The following ZDHHC14 variants were observed in gnomAD, a reference collection of about 807,000 sequenced individuals.
ZDHHC14 encodes palmitoyltransferase ZDHHC14.
ZDHHC14 carries 16 observed loss-of-function variants against 47.7 expected under a neutral mutation model. That is an observed-to-expected ratio of 0.34 (90% CI 0.23 to 0.51). The LOEUF (loss-of-function observed/expected upper bound fraction) is 0.51, where lower values mean the gene tolerates loss of function less well. Ranked by LOEUF, ZDHHC14 falls within the 20% of genes least tolerant of loss-of-function variation. The pLI is 0.97. For synonymous variants in ZDHHC14, 293 were observed against 278.9 expected, an observed-to-expected ratio of 1.05 and a Z score of -0.50; for missense variants, 515 against 662.5, an observed-to-expected ratio of 0.78 and a Z score of 2.44.
At chr6:157,659,514 C>T (rs553833183) in intron 8 of ZDHHC14, among the ~76,000 whole-genome samples, 1 of 152,352 alleles carries the variant, frequency 6.6e-6, no homozygotes, top group South Asian at 2.1e-4. Flanking sequence ...TCTGGGGCCA[C>T]TGTGACATTC....
chr6:157,446,399 G>GTT (rs1251752682), intron 1 of ZDHHC14, among the ~76,000 whole-genome samples: 2 of 151,272 alleles, frequency 1.3e-5, no homozygotes, highest in South Asian at 4.2e-4. Flanking sequence ...TTTTTTTTTG[G>GTT]TTTTTTTGTT....
chr6:157,610,990 A>G (rs957532370), intron 3 of ZDHHC14, among the ~76,000 whole-genome samples: 1 of 152,198 alleles, frequency 6.6e-6, no homozygotes, highest in Non-Finnish European at 1.5e-5. Context: ...ACTGGGAGCC[A>G]TGAATAAATG....
intron 3 of ZDHHC14, among the ~76,000 whole-genome samples, chr6:157,617,494 C>T (rs1292564579): frequency 6.6e-6 from 1 of 152,164 alleles, no homozygotes; most frequent in Non-Finnish European, 1.5e-5. Context: ...ATAGACACAG[C>T]TCTCTGTGCC....
chr6:157,410,337 T>C (rs1286315083), intron 1 of ZDHHC14, among the ~76,000 whole-genome samples: 3 of 152,212 alleles, frequency 2.0e-5, no homozygotes, highest in Admixed American at 1.3e-4. Context: ...GGCTGGAATG[T>C]GCTATGTCAT....
chr6:157,453,850 T>C (rs1231582938), intron 1 of ZDHHC14, among the ~76,000 whole-genome samples: 1 of 151,062 alleles, frequency 6.6e-6, no homozygotes, highest in Non-Finnish European at 1.5e-5. Context: ...GTAATATGTG[T>C]CTGCTTTACT....
At chr6:157,384,015 G>A (rs1169483140) in intron 1 of ZDHHC14, among the ~76,000 whole-genome samples, 1 of 152,226 alleles carries the variant, frequency 6.6e-6, no homozygotes, top group Non-Finnish European at 1.5e-5. Context: ...TAACAGAAAT[G>A]CCATCTCTCT....
At chr6:157,501,037 G>C (rs1417920074) in intron 1 of ZDHHC14, among the ~76,000 whole-genome samples, 2 of 152,214 alleles carry the variant, frequency 1.3e-5, no homozygotes, top group African/African-American at 4.8e-5. Context: ...AGTTTCTTCT[G>C]CTGGATGGTA....
intron 1 of ZDHHC14, among the ~76,000 whole-genome samples, chr6:157,480,124 A>C (rs1779587060): frequency 6.6e-6 from 1 of 152,164 alleles, no homozygotes; most frequent in African/African-American, 2.4e-5. Context: ...GCGTTGGACC[A>C]AGAGAGGACA....
intron 1 of ZDHHC14, among the ~76,000 whole-genome samples, chr6:157,512,218 T>C (rs772512663): frequency 7.9e-5 from 12 of 152,222 alleles, no homozygotes; most frequent in Admixed American, 6.5e-4. Flanking sequence ...CAAGTAAGTG[T>C]GGAGCCGGGA....
intron 1 of ZDHHC14, among the ~76,000 whole-genome samples, chr6:157,469,884 T>A (rs1008169260): frequency 6.6e-6 from 1 of 152,230 alleles, no homozygotes; most frequent in African/African-American, 2.4e-5. Context: ...TGTCCCTCCC[T>A]GCCCTCTGTC....
chr6:157,474,634 G>A (rs1052594735), intron 1 of ZDHHC14, among the ~76,000 whole-genome samples: 2 of 152,086 alleles, frequency 1.3e-5, no homozygotes, highest in Non-Finnish European at 2.9e-5. Context: ...ATCTCATTGT[G>A]GTTTTAATTT....
chr6:157,390,688 C>CT (rs893421712), intron 1 of ZDHHC14, among the ~76,000 whole-genome samples: 12 of 151,672 alleles, frequency 7.9e-5, no homozygotes, highest in Admixed American at 2.6e-4. Flanking sequence ...TTTTTGATAT[C>CT]TTTTTTTTAT....
At chr6:157,414,510 A>G (rs562099385) in intron 1 of ZDHHC14, among the ~76,000 whole-genome samples, 1 of 152,152 alleles carries the variant, frequency 6.6e-6, no homozygotes, top group Non-Finnish European at 1.5e-5. Flanking sequence ...AGCCTGAGGA[A>G]GTGCTGGTGT....
At chr6:157,577,526 C>T (rs1263549238) in intron 2 of ZDHHC14, among the ~76,000 whole-genome samples, 2 of 152,140 alleles carry the variant, frequency 1.3e-5, no homozygotes, top group Admixed American at 1.3e-4. Context: ...GGCAACCTCT[C>T]CAGCCTCTGT....
Position 157,640,291 on chromosome 6 carries a change from T to C in ZDHHC14, c.753-5446T>C, listed in dbSNP as rs191089263. On this transcript the variant is annotated intron_variant, in intron 5 of 8. Coordinates refer to ENST00000359775, the MANE Select transcript of ZDHHC14 (RefSeq NM_024630.3). ...TTTTTTGTGGTTGGTAAATCAAATGTTGATTGATTCTCCATTTGCAGAGGC... is the reference window on the plus strand; with the variant it reads ...TTTTTTGTGGTTGGTAAATCAAATGCTGATTGATTCTCCATTTGCAGAGGC... Among the ~76,000 whole-genome samples the C allele has an allele frequency of 2.6e-4, 40 of 152,372 alleles. No individual in the cohort carries two copies. The East Asian group carries it at 6.4e-3, about 24-fold the overall frequency.
chr6:157,428,081 C>G (rs1778259303), intron 1 of ZDHHC14, among the ~76,000 whole-genome samples: 1 of 152,126 alleles, frequency 6.6e-6, no homozygotes, highest in Non-Finnish European at 1.5e-5. Flanking sequence ...TCTTCAGCAC[C>G]TTATTCAACC....
intron 1 of ZDHHC14, among the ~76,000 whole-genome samples, chr6:157,404,435 G>A (rs563133266): frequency 4.6e-5 from 7 of 152,066 alleles, no homozygotes; most frequent in African/African-American, 7.2e-5. Flanking sequence ...GTTCCCGGCC[G>A]GAAAATGACT....
At chr6:157,389,759 CCT>C (rs1777383878) in intron 1 of ZDHHC14, among the ~76,000 whole-genome samples, 1 of 152,026 alleles carries the variant, frequency 6.6e-6, no homozygotes, top group African/African-American at 2.4e-5. Context: ...AAACATAATT[CCT>C]CTTACTCCTT....
chr6:157,392,238 A>T (rs550636717), intron 1 of ZDHHC14, among the ~76,000 whole-genome samples: 1 of 152,372 alleles, frequency 6.6e-6, no homozygotes, highest in South Asian at 2.1e-4. Flanking sequence ...TTGAAGTTAT[A>T]TACAATTAAG....
Sources: allele counts gnomAD v4.1 joint callset (sites outside exome capture counted in the v4.1 genomes callset), GRCh38; gene constraint gnomAD v4.1.1; transcripts MANE v1.5; gene names NCBI Gene and HGNC (gene_info 2026-07-23, HGNC 2026-07-21).